The following GNAQ variants were observed in gnomAD, a reference collection of about 807,000 sequenced individuals.
The protein encoded by GNAQ is guanine nucleotide-binding protein G(q) subunit alpha.
GNAQ carries 8 observed loss-of-function variants against 43.9 expected under a neutral mutation model. That is an observed-to-expected ratio of 0.18 (90% CI 0.11 to 0.33). The LOEUF is 0.33. Among genes scored for constraint, GNAQ ranks in the 10% least tolerant of loss-of-function variants. The pLI, the probability that GNAQ is intolerant of heterozygous loss-of-function variation, is 1.00. For missense variants in GNAQ, 158 were observed against 450.8 expected, an observed-to-expected ratio of 0.35 and a Z score of 5.88; for synonymous variants, 155 against 170.7, an observed-to-expected ratio of 0.91 and a Z score of 0.71.
At chr9:77,988,907 G>A (rs1390593213) in intron 1 of GNAQ, among the ~76,000 whole-genome samples, 1 of 152,100 alleles carries the variant, frequency 6.6e-6, no homozygotes, top group Non-Finnish European at 1.5e-5. Flanking sequence ...TAGTAAGGAT[G>A]GCAGTAACTC....
intron 2 of GNAQ, among the ~76,000 whole-genome samples, chr9:77,857,269 A>G (rs1366892694): frequency 6.6e-6 from 1 of 152,226 alleles, no homozygotes; most frequent in Non-Finnish European, 1.5e-5. Flanking sequence ...CTGTTGTGAA[A>G]TTCAATCACT....
At chr9:77,822,536 A>T (rs1827133269) in intron 2 of GNAQ, among the ~76,000 whole-genome samples, 1 of 151,940 alleles carries the variant, frequency 6.6e-6, no homozygotes, top group African/African-American at 2.4e-5. Context: ...ATTTTATTTG[A>T]CAACAGGAAA....
At chr9:77,930,375 G>A (rs545788371) in intron 1 of GNAQ, among the ~76,000 whole-genome samples, 10 of 151,920 alleles carry the variant, frequency 6.6e-5, no homozygotes, top group South Asian at 6.2e-4. Flanking sequence ...TTTCCTACTC[G>A]TTTTTTAAAA....
chr9:78,028,424 C>T (rs932005733), intron 1 of GNAQ, among the ~76,000 whole-genome samples: 1 of 152,084 alleles, frequency 6.6e-6, no homozygotes, highest in Non-Finnish European at 1.5e-5. Flanking sequence ...GTCAGGTACC[C>T]ACTAATTGTC....
chr9:77,754,223 C>T (rs1825862938), intron 5 of GNAQ, among the ~76,000 whole-genome samples: 1 of 152,140 alleles, frequency 6.6e-6, no homozygotes, highest in Non-Finnish European at 1.5e-5. Context: ...CCCCACAGCA[C>T]CTGTACTTAA....
intron 5 of GNAQ, among the ~76,000 whole-genome samples, chr9:77,790,837 C>T (rs76805483): frequency 0.014 from 2,110 of 152,308 alleles, 42 homozygotes; most frequent in African/African-American, 0.048. Context: ...ATCGTTATGA[C>T]GCACACCAGC....
At chr9:77,876,266 G>C (rs1402115995) in intron 2 of GNAQ, among the ~76,000 whole-genome samples, 1 of 152,162 alleles carries the variant, frequency 6.6e-6, no homozygotes, top group Non-Finnish European at 1.5e-5. Context: ...CTACTGAGCA[G>C]GACAGGATGC....
intron 6 of GNAQ, 131 bp from the exon 7 acceptor site, chr9:77,721,644 A>C: frequency 1.6e-6 from 1 of 640,810 alleles, no homozygotes; most frequent in Non-Finnish European, 2.7e-6. Context: ...ATCTGTTATA[A>C]TCATTTTCCC....
chr9:77,991,155 G>A, intron 1 of GNAQ, among the ~76,000 whole-genome samples: 1 of 152,170 alleles, frequency 6.6e-6, no homozygotes. Flanking sequence ...ATTTACAATT[G>A]ACATATCATT....
intron 5 of GNAQ, among the ~76,000 whole-genome samples, chr9:77,760,547 C>T (rs1022228580): frequency 1.3e-5 from 2 of 152,150 alleles, no homozygotes; most frequent in Admixed American, 1.3e-4. Context: ...GGCGTGATCT[C>T]GGCTCGCTAC....
chr9:77,891,288 C>T (rs1300638030), intron 2 of GNAQ, among the ~76,000 whole-genome samples: 4 of 152,116 alleles, frequency 2.6e-5, no homozygotes, highest in Non-Finnish European at 5.9e-5. Flanking sequence ...ATCTCTTGCT[C>T]TCTTTCGTAG....
intron 3 of GNAQ, among the ~76,000 whole-genome samples, chr9:77,805,113 G>T (rs1013551465): frequency 2.6e-5 from 4 of 152,270 alleles, no homozygotes; most frequent in Non-Finnish European, 4.4e-5. Flanking sequence ...TAACAGTTCT[G>T]CAAAACTGGT....
chr9:77,955,886 T>C (rs1823034549), intron 1 of GNAQ, among the ~76,000 whole-genome samples: 1 of 152,202 alleles, frequency 6.6e-6, no homozygotes. Flanking sequence ...TCTGACACAC[T>C]GATGACAGGA....
rs187797357 is a variant in GNAQ at position 77,980,123 on chromosome 9, C to G, written c.136+50977G>C. 3.9e-3 allele frequency among the ~76,000 whole-genome samples: 599 copies of G among 152,248 alleles called. 7 individuals carry two copies. The highest frequency in any genetic ancestry group is 0.014 in the African/African-American group (574 of 41,534). The stretch of plus-strand genomic sequence containing the variant: ...TAAACTACGTTCTTTGTGGTGTGAC[C>G]TCAAGCCTTGAAAGAGTTACTGAAG... On this transcript the variant is annotated intron_variant, in intron 1 of 6. Transcript: ENST00000286548.
chr9:77,777,881 G>T (rs937176417), intron 5 of GNAQ, among the ~76,000 whole-genome samples: 1 of 151,962 alleles, frequency 6.6e-6, no homozygotes, highest in African/African-American at 2.4e-5. Flanking sequence ...CTGTAAAATG[G>T]TATAGCCACA....
intron 5 of GNAQ, among the ~76,000 whole-genome samples, chr9:77,790,273 T>C (rs1049382911): frequency 2.7e-4 from 41 of 152,212 alleles, no homozygotes; most frequent in African/African-American, 9.2e-4. Context: ...TTTGAGTTTT[T>C]TTCTCCTCAA....
chr9:77,922,453 G>T (rs1161830908), intron 1 of GNAQ, 108 bp from the exon 2 acceptor site: 49 of 705,554 alleles, frequency 6.9e-5, no homozygotes, highest in East Asian at 3.6e-4. Context: ...ATAGCCTGCT[G>T]AGAGGAGCGA....
chr9:78,022,051 TCTGGACAGACTTG>T (rs936831446), intron 1 of GNAQ, among the ~76,000 whole-genome samples: 8 of 152,142 alleles, frequency 5.3e-5, no homozygotes, highest in African/African-American at 1.9e-4. Context: ...CCAGGGGAGC[TCTGGACAGACTTG>T]CTAAGGCTTC....
At chr9:77,891,686 T>C (rs1311584018) in intron 2 of GNAQ, among the ~76,000 whole-genome samples, 2 of 152,162 alleles carry the variant, frequency 1.3e-5, no homozygotes, top group African/African-American at 4.8e-5. Flanking sequence ...CTATTAGATA[T>C]GTGAGGTCAG....
Sources: gnomAD v4.1 joint callset for allele counts (sites outside exome capture counted in the v4.1 genomes callset) on GRCh38, gnomAD v4.1.1 for gene constraint, MANE v1.5 for transcripts, NCBI Gene and HGNC (gene_info 2026-07-23, HGNC 2026-07-21) for gene names.